Variants in RIN2 observed in about 807,000 individuals in gnomAD.
RIN2 encodes the protein RAB5 interacting protein 2.
RIN2 carries 36 observed loss-of-function variants against 78.0 expected under a neutral mutation model. That is an observed-to-expected ratio of 0.46 (90% CI 0.35 to 0.61). The LOEUF (loss-of-function observed/expected upper bound fraction) is 0.61. Ranked by LOEUF, RIN2 falls within the 20% of genes least tolerant of loss-of-function variation. The pLI, the probability that RIN2 is intolerant of heterozygous loss-of-function variation, is 0.00. For synonymous variants in RIN2, 466 were observed against 466.8 expected (o/e 1.00, Z 0.02); for missense variants, 1,087 against 1,159.7 (o/e 0.94, Z 0.91).
chr20:19,915,510 AG>A (rs1255758935), intron 3 of RIN2, among the ~76,000 whole-genome samples: 1 of 152,170 alleles, frequency 6.6e-6, no homozygotes, highest in Non-Finnish European at 1.5e-5. Context: ...GTGACTTCCA[AG>A]GGTTGTGGGC....
chr20:19,992,038 T>G, intron 10 of RIN2, 130 bp from the exon 11 acceptor site: 5 of 1,046,872 alleles, frequency 4.8e-6, no homozygotes, highest in Non-Finnish European at 6.7e-6. Context: ...CCAGAAACAC[T>G]CACCTCTGTT....
At chr20:19,818,887 T>C (rs376025189) in intron 2 of RIN2, among the ~76,000 whole-genome samples, 27 of 152,350 alleles carry the variant, frequency 1.8e-4, no homozygotes, top group African/African-American at 6.3e-4. Flanking sequence ...AATGTATTAC[T>C]ATATGCATTT....
At chr20:19,910,182 C>A (rs114183547) in intron 3 of RIN2, among the ~76,000 whole-genome samples, 1,570 of 151,938 alleles carry the variant, frequency 0.01, 32 homozygotes, top group African/African-American at 0.036. Flanking sequence ...TTCATACTTT[C>A]TCTCTTTTTT....
rs545323465 is a variant in RIN2, at chr20:19,912,475, C to CTTT, written c.58-22606_58-22604dup. On this transcript the variant is annotated intron_variant, in intron 3 of 12. Transcript: ENST00000255006. ...TCATTTCTTTTTTCTTTTTCTTTTT[C>CTTT]TTTTTTTTTTTTTTTTTTTTGAGAT... Among the ~76,000 whole-genome samples, 91 of 110,916 alleles carry CTTT rather than the reference C, an allele frequency of 8.2e-4. 3 individuals carry two copies. The highest frequency in any genetic ancestry group is 2.3e-3 in the East Asian group (8 of 3,490). The allele number at this position is 110,916 out of a possible 152,430, so 72.8% of individuals were successfully genotyped here.
At chr20:19,897,471 G>A (rs2038784061) in intron 3 of RIN2, among the ~76,000 whole-genome samples, 1 of 152,154 alleles carries the variant, frequency 6.6e-6, no homozygotes, top group Non-Finnish European at 1.5e-5. Flanking sequence ...AGACTGGACA[G>A]CAAAGGTTTA....
intron 2 of RIN2, among the ~76,000 whole-genome samples, chr20:19,840,969 T>C: frequency 6.6e-6 from 1 of 152,226 alleles, no homozygotes; most frequent in Non-Finnish European, 1.5e-5. Flanking sequence ...CTCACTTTTC[T>C]CTTTTTTCTT....
At chr20:19,920,037 G>C (rs750954339) in intron 3 of RIN2, among the ~76,000 whole-genome samples, 154 of 152,064 alleles carry the variant, frequency 1.0e-3, no homozygotes, top group Admixed American at 2.2e-3. Flanking sequence ...GCTCACGCCT[G>C]TAATCCCAGC....
At chr20:19,795,557 T>C (rs2122661778) in intron 1 of RIN2, among the ~76,000 whole-genome samples, 1 of 152,284 alleles carries the variant, frequency 6.6e-6, no homozygotes, top group Middle Eastern at 3.4e-3. Flanking sequence ...GATAAGGGTG[T>C]CAGAGATCTA....
At chr20:19,911,904 G>A (rs1401760960) in intron 3 of RIN2, among the ~76,000 whole-genome samples, 1 of 152,144 alleles carries the variant, frequency 6.6e-6, no homozygotes, top group African/African-American at 2.4e-5. Context: ...GGTGAATCGC[G>A]TGGGTGAGCC....
chr20:19,766,347 G>A (rs1330036720), intron 1 of RIN2, among the ~76,000 whole-genome samples: 1 of 152,108 alleles, frequency 6.6e-6, no homozygotes, highest in Non-Finnish European at 1.5e-5. Flanking sequence ...TTTAGTATCA[G>A]CTTAGGCACT....
intron 3 of RIN2, among the ~76,000 whole-genome samples, chr20:19,902,345 C>T (rs1440214622): frequency 6.6e-6 from 1 of 152,184 alleles, no homozygotes; most frequent in East Asian, 1.9e-4. Context: ...CTCCCACCAC[C>T]TTCCATGGAG....
At chr20:19,977,738 G>A (rs1477672162) in intron 9 of RIN2, among the ~76,000 whole-genome samples, 1 of 152,092 alleles carries the variant, frequency 6.6e-6, no homozygotes, top group East Asian at 1.9e-4. Context: ...AGTAGTTCAG[G>A]GGAATTGTAA....
At chr20:19,982,292 C>T (rs2042480100) in intron 9 of RIN2, among the ~76,000 whole-genome samples, 1 of 152,170 alleles carries the variant, frequency 6.6e-6, no homozygotes, top group African/African-American at 2.4e-5. Flanking sequence ...TGGGAAAGGT[C>T]ATCTTCTTTG....
chr20:19,797,958 T>C (rs553444015), intron 1 of RIN2, among the ~76,000 whole-genome samples: 71 of 151,068 alleles, frequency 4.7e-4, no homozygotes, highest in African/African-American at 1.7e-3. Flanking sequence ...TTCACACCAT[T>C]CTCCTGCCTC....
intron 9 of RIN2, among the ~76,000 whole-genome samples, chr20:19,978,605 G>A (rs1226985790): frequency 6.6e-6 from 1 of 152,222 alleles, no homozygotes; most frequent in Non-Finnish European, 1.5e-5. Flanking sequence ...TGGAGAATTT[G>A]CATTCTATTT....
intron 4 of RIN2, among the ~76,000 whole-genome samples, chr20:19,953,728 C>CT (rs2041419846): frequency 6.6e-6 from 1 of 152,310 alleles, no homozygotes; most frequent in African/African-American, 2.4e-5. Context: ...CCATGCCTGG[C>CT]TTTTTTAGGT....
intron 3 of RIN2, among the ~76,000 whole-genome samples, chr20:19,893,825 C>T (rs2038595409): frequency 6.6e-6 from 1 of 152,136 alleles, no homozygotes; most frequent in African/African-American, 2.4e-5. Flanking sequence ...TAAATTGTAG[C>T]ATTTTGGGAG....
At chr20:19,986,739 C>T (rs1023726268) in intron 9 of RIN2, among the ~76,000 whole-genome samples, 5 of 152,172 alleles carry the variant, frequency 3.3e-5, no homozygotes, top group African/African-American at 1.2e-4. Context: ...AACAGTTGCC[C>T]GTGGGGTTCA....
chr20:19,944,818 C>T (rs2041022154), intron 4 of RIN2, among the ~76,000 whole-genome samples: 1 of 152,058 alleles, frequency 6.6e-6, no homozygotes, highest in African/African-American at 2.4e-5. Flanking sequence ...CCTGTAGAAG[C>T]TTTGGGGTTT....
Sources: allele counts gnomAD v4.1 joint callset (sites outside exome capture counted in the v4.1 genomes callset), GRCh38; gene constraint gnomAD v4.1.1; transcripts MANE v1.5; gene names NCBI Gene and HGNC (gene_info 2026-07-23, HGNC 2026-07-21).